Variants in CTNNBL1 observed in about 807,000 individuals in gnomAD.
CTNNBL1 encodes the protein catenin beta like 1.
Under a neutral mutation model 72.7 loss-of-function variants are expected in CTNNBL1, and 31 were observed. The ratio of observed to expected loss-of-function variants is 0.43; its 90% CI spans 0.32 to 0.58. The LOEUF is 0.58. Among genes scored for constraint, CTNNBL1 ranks in the 20% least tolerant of loss-of-function variants. The pLI, the probability that CTNNBL1 is intolerant of heterozygous loss-of-function variation, is 0.08. For missense variants in CTNNBL1, 534 were observed against 725.1 expected (o/e 0.74, Z 3.03); for synonymous variants, 240 against 267.3 (o/e 0.90, Z 1.00).
chr20:37,804,997 C>G (rs769062973), intron 11 of CTNNBL1, among the ~76,000 whole-genome samples: 1 of 152,214 alleles, frequency 6.6e-6, no homozygotes, highest in Non-Finnish European at 1.5e-5. Context: ...ACCCAGAGAG[C>G]AGAAGTGAAC....
At chr20:37,763,150 A>G (rs2073433503) in intron 5 of CTNNBL1, among the ~76,000 whole-genome samples, 1 of 152,184 alleles carries the variant, frequency 6.6e-6, no homozygotes, top group Non-Finnish European at 1.5e-5. Flanking sequence ...GGATTCAGGG[A>G]GATTATAAGT....
At chr20:37,743,874 ATCT>A (rs2073239472) in intron 3 of CTNNBL1, among the ~76,000 whole-genome samples, 1 of 152,130 alleles carries the variant, frequency 6.6e-6, no homozygotes, top group Non-Finnish European at 1.5e-5. Flanking sequence ...CATAAAATAT[ATCT>A]TCTTTTAGCA....
intron 1 of CTNNBL1, among the ~76,000 whole-genome samples, chr20:37,730,315 TAAAG>T (rs1258059351): frequency 6.6e-6 from 1 of 152,218 alleles, no homozygotes; most frequent in East Asian, 1.9e-4. Context: ...CTATATCAGA[TAAAG>T]AAATCTCATT....
intron 7 of CTNNBL1, 80 bp from the exon 8 acceptor site, chr20:37,777,265 A>G (rs6020846): frequency 0.07 from 74,725 of 1,068,174 alleles, 4,235 homozygotes; most frequent in African/African-American, 0.27. Flanking sequence ...AACTCAGATC[A>G]TAGTACTCGT....
chr20:37,759,474 C>G (rs961414028), intron 5 of CTNNBL1, among the ~76,000 whole-genome samples: 5 of 152,056 alleles, frequency 3.3e-5, no homozygotes, highest in African/African-American at 1.2e-4. Flanking sequence ...CTCAAAAGCC[C>G]CCTTTGTTTT....
At chr20:37,791,068 G>A (rs1005277043) in intron 10 of CTNNBL1, among the ~76,000 whole-genome samples, 4 of 152,178 alleles carry the variant, frequency 2.6e-5, no homozygotes, top group Admixed American at 2.0e-4. Flanking sequence ...TTTGAGATTC[G>A]TCCATGTTGT....
intron 7 of CTNNBL1, among the ~76,000 whole-genome samples, chr20:37,773,983 A>ACT (rs1380494694): frequency 3.8e-4 from 49 of 128,948 alleles, no homozygotes; most frequent in African/African-American, 1.5e-3. Context: ...TGCCATCACT[A>ACT]CTCACTGCAG....
chr20:37,718,155 AG>A (rs1450182146), intron 1 of CTNNBL1, among the ~76,000 whole-genome samples: 1 of 149,518 alleles, frequency 6.7e-6, no homozygotes, highest in Non-Finnish European at 1.5e-5. Flanking sequence ...GGCTGGGCAG[AG>A]GGGCTCCTGA....
At chr20:37,718,071 A>G (rs1359288180) in intron 1 of CTNNBL1, among the ~76,000 whole-genome samples, 1 of 152,062 alleles carries the variant, frequency 6.6e-6, no homozygotes, top group Non-Finnish European at 1.5e-5. Flanking sequence ...CCCCCTTTCT[A>G]TTCCACAAAA....
intron 11 of CTNNBL1, among the ~76,000 whole-genome samples, chr20:37,821,258 G>A (rs888230305): frequency 1.3e-5 from 2 of 152,312 alleles, no homozygotes; most frequent in Non-Finnish European, 2.9e-5. Flanking sequence ...GACAGCATCC[G>A]TTTTGTACAG....
intron 10 of CTNNBL1, among the ~76,000 whole-genome samples, chr20:37,794,012 C>G (rs1035616684): frequency 8.5e-5 from 13 of 152,122 alleles, no homozygotes; most frequent in African/African-American, 2.9e-4. Flanking sequence ...AACTCCTGAC[C>G]TTGTGATCCA....
chr20:37,731,548 T>C lies in CTNNBL1; in HGVS notation c.31-1331T>C, dbSNP rs6126009. On this transcript the variant is annotated intron_variant, in intron 1 of 15. Transcript: ENST00000361383. Reference sequence around the variant, plus strand: ...CCGCACCCGGCCTTACTGAAACTTATACTCTTTAGTCAACATTTCCCTCCG... The same window carrying C: ...CCGCACCCGGCCTTACTGAAACTTACACTCTTTAGTCAACATTTCCCTCCG... Among the ~76,000 whole-genome samples the C allele has an allele frequency of 2.8e-3, 428 of 152,332 alleles. 4 individuals carry two copies. Among genetic ancestry groups the C allele is most frequent in the East Asian group, 0.017 (89 of 5,192 alleles).
intron 1 of CTNNBL1, among the ~76,000 whole-genome samples, chr20:37,727,102 T>G (rs575274236): frequency 8.5e-5 from 13 of 152,136 alleles, no homozygotes; most frequent in Non-Finnish European, 1.5e-4. Context: ...GAGCTCAATA[T>G]AACTGCATGT....
At chr20:37,788,661 C>T (rs1027749772) in intron 10 of CTNNBL1, among the ~76,000 whole-genome samples, 2 of 152,248 alleles carry the variant, frequency 1.3e-5, no homozygotes, top group Non-Finnish European at 2.9e-5. Flanking sequence ...CATAAGCTCC[C>T]CAAATGAGCT....
intron 1 of CTNNBL1, among the ~76,000 whole-genome samples, chr20:37,713,972 A>G (rs2072962837): frequency 6.6e-6 from 1 of 152,124 alleles, no homozygotes; most frequent in Admixed American, 6.6e-5. Flanking sequence ...CAGATGAGGA[A>G]AGGAAGCTCA....
intron 13 of CTNNBL1, among the ~76,000 whole-genome samples, chr20:37,842,833 C>G (rs886591905): frequency 6.6e-6 from 1 of 152,204 alleles, no homozygotes; most frequent in African/African-American, 2.4e-5. Flanking sequence ...TGGAAGGAAA[C>G]TGAATGGTCC....
intron 1 of CTNNBL1, among the ~76,000 whole-genome samples, chr20:37,728,982 A>G (rs1358778975): frequency 2.0e-5 from 3 of 152,220 alleles, no homozygotes; most frequent in Non-Finnish European, 2.9e-5. Flanking sequence ...CTGTGTCCCT[A>G]TTTATACACG....
intron 3 of CTNNBL1, among the ~76,000 whole-genome samples, chr20:37,744,250 T>A (rs2073242835): frequency 6.6e-6 from 1 of 152,218 alleles, no homozygotes; most frequent in Admixed American, 6.5e-5. Context: ...AGATACTGTT[T>A]GTGAAGAGGG....
intron 1 of CTNNBL1, among the ~76,000 whole-genome samples, chr20:37,718,554 C>T (rs1568749626): frequency 6.7e-6 from 1 of 148,914 alleles, no homozygotes; most frequent in African/African-American, 2.5e-5. Context: ...AGGCGCCCCT[C>T]ACCTCCCCGA....
Sources: allele counts gnomAD v4.1 joint callset (sites outside exome capture counted in the v4.1 genomes callset), GRCh38; gene constraint gnomAD v4.1.1; transcripts MANE v1.5; gene names NCBI Gene and HGNC (gene_info 2026-07-23, HGNC 2026-07-21).